ZSCAN20: variants seen among roughly 807,000 people sequenced by gnomAD.
ZSCAN20 encodes zinc finger and SCAN domain containing 20, also known as zinc finger and SCAN domain-containing protein 20.
A neutral mutation model predicts 97.1 loss-of-function variants in ZSCAN20; 39 were observed. That is an observed-to-expected ratio of 0.40 (90% CI 0.31 to 0.52). ZSCAN20 has a LOEUF of 0.52. ZSCAN20 is among the 20% of genes least tolerant of loss of function. The pLI is 0.49. For synonymous variants in ZSCAN20, 456 were observed against 467.3 expected (o/e 0.98, Z 0.31); for missense variants, 1,115 against 1,290.4 (o/e 0.86, Z 2.08).
intron 2 of ZSCAN20, among the ~76,000 whole-genome samples, chr1:33,486,693 T>A (rs979576889): frequency 6.6e-6 from 1 of 152,210 alleles, no homozygotes. Flanking sequence ...GCACTGGGGT[T>A]GAGAGTAAAG....
Position 33,489,170 on chromosome 1 carries a change from G to A in ZSCAN20, c.660G>A (p.Trp220Ter). Residue 220 changes from tryptophan (W) to a stop codon, truncating the protein, a stop_gained, in exon 4 of 8, where the codon TGG becomes TGA. Coordinates refer to ENST00000684572, the MANE Select transcript of ZSCAN20 (RefSeq NM_001377376.1). LOFTEE classifies it high-confidence loss of function. The stretch of plus-strand genomic sequence containing the variant: ...CAAAGATGGGGAGCGTTGGAGATTG[G>A]GAGGTGACAGCTGAGTCCCAGGTAA... Reference protein sequence around the residue: ...TLPKMGSVGDWEVTAESQEAL... With the variant: ...TLPKMGSVGD 1.2e-6 allele frequency: 2 copies of A among 1,613,780 alleles called. No individual in the cohort carries two copies. The highest frequency in any genetic ancestry group is 1.1e-5 in the South Asian group (1 of 90,972).
chr1:33,495,228 C>A lies in ZSCAN20; in HGVS notation c.2884C>A (p.Leu962Ile). 1.2e-6 allele frequency: 2 copies of A among 1,613,490 alleles called. No homozygotes were observed. Among genetic ancestry groups the A allele is most frequent in the Non-Finnish European group, 1.7e-6 (2 of 1,179,642 alleles). Reference protein sequence around the residue: ...VHTGEKPYKCLECGKFFRDRS... With the variant: ...VHTGEKPYKCIECGKFFRDRS... ...CACAGGAGAGAAGCCCTACAAATGC[C>A]TTGAGTGTGGAAAATTCTTCCGTGA... Residue 962 changes from leucine (L) to isoleucine (I), a missense_variant, in exon 8 of 8, where the codon CTT becomes ATT. Coordinates refer to ENST00000684572, the MANE Select transcript of ZSCAN20 (RefSeq NM_001377376.1).
rs34549868 is a variant in ZSCAN20, at chr1:33,501,536, A to ATTTTTTTTTTTTTT, written c.*6061_*6074dup. On this transcript the variant is annotated 3_prime_UTR_variant, in exon 8 of 8. Transcript: ENST00000684572. The stretch of plus-strand genomic sequence containing the variant: ...TGCTTTCACTTCCCCATTTTCTGTT[A>ATTTTTTTTTTTTTT]TTTTTTTTTTTTTTGTGCTGTTATG... Among the ~76,000 whole-genome samples, 3 of 136,750 alleles carry ATTTTTTTTTTTTTT rather than the reference A, an allele frequency of 2.2e-5. No individual in the cohort carries two copies. Among genetic ancestry groups the ATTTTTTTTTTTTTT allele is most frequent in the Non-Finnish European group, 4.7e-5 (3 of 64,222 alleles). 89.7% of individuals were successfully genotyped at this position (136,750 alleles called of 152,430 possible). A position where few individuals can be genotyped will look rare whatever the true frequency, so the allele number is the denominator to read the frequency against.
intron 2 of ZSCAN20, 74 bp from the exon 3 acceptor site, chr1:33,488,391 C>G: frequency 1.4e-6 from 2 of 1,463,024 alleles, no homozygotes; most frequent in South Asian, 2.5e-5. Context: ...AGCCTCTGGA[C>G]TGCAGTTGTA....
At chr1:33,494,169 A>C (rs201056255) in intron 7 of ZSCAN20, 49 bp from the exon 8 acceptor site, 1 of 1,477,098 alleles carries the variant, frequency 6.8e-7, no homozygotes, top group Non-Finnish European at 9.1e-7. Context: ...ACACACACAC[A>C]CGCGCGCTAA....
intron 4 of ZSCAN20, 135 bp downstream of exon 4, chr1:33,489,326 A>G (rs904952934): frequency 2.8e-6 from 3 of 1,077,470 alleles, no homozygotes; most frequent in South Asian, 3.0e-5. Context: ...TTTGCCCTTC[A>G]CCCCCAGCCT....
rs1482207938 is a variant in ZSCAN20 at position 33,494,598 on chromosome 1, A to G, written c.2254A>G (p.Asn752Asp). The change falls in exon 8 of 8, where the codon AAC becomes GAC. Residue 752 changes from asparagine to aspartate, a missense_variant. Asn to Asp is a conservative substitution (Grantham distance 23). Coordinates refer to ENST00000684572, the MANE Select transcript of ZSCAN20 (RefSeq NM_001377376.1). ...TGGAAAAAACTTTAGTGACCGCTCT[A>G]ACCTCAATACCCATCAGAGAATCCA... ...ECGKNFSDRSNLNTHQRIHTG... is the reference protein window; with the variant it reads ...ECGKNFSDRSDLNTHQRIHTG... The G allele has an allele frequency of 1.2e-6, 2 of 1,613,874 alleles. No homozygotes were observed. The highest frequency in any genetic ancestry group is 2.7e-5 in the African/African-American group (2 of 74,922).
In ZSCAN20 at chr1:33,494,262, G is replaced by A; in HGVS notation, c.1918G>A (p.Asp640Asn). The change falls in exon 8 of 8, where the codon GAC becomes AAC. Residue 640 changes from aspartate to asparagine, a missense_variant. This residue lies in a region of ZSCAN20 where 554 missense variants were observed against 584.9 expected (regional missense o/e 0.95). Coordinates refer to ENST00000684572, the MANE Select transcript of ZSCAN20 (RefSeq NM_001377376.1). ...GGATGAAGACCAGATTTCAGAGCAG[G>A]ACATTTTTGAGGGTTTGCCTGGAGC... is the stretch of plus-strand genomic sequence containing the variant. ...HEDEDQISEQ[D>N]IFEGLPGALS... 1 of 1,599,712 alleles carries A rather than the reference G, an allele frequency of 6.3e-7. No individual in the cohort carries two copies. Among genetic ancestry groups the A allele is most frequent in the Non-Finnish European group, 8.5e-7 (1 of 1,173,394 alleles).
intron 1 of ZSCAN20, among the ~76,000 whole-genome samples, chr1:33,475,666 T>C (rs1274268221): frequency 1.3e-5 from 2 of 152,024 alleles, no homozygotes; most frequent in African/African-American, 2.4e-5. Context: ...CTTTTTTTTT[T>C]CTTCTTTTTC....
At chr1:33,488,968 C>G (rs1453396786) in intron 3 of ZSCAN20, 147 bp from the exon 4 acceptor site, 14 of 699,214 alleles carry the variant, frequency 2.0e-5, no homozygotes, top group Admixed American at 5.6e-5. Context: ...GCTACACACT[C>G]TAGAAGGGAA....
At chr1:33,487,089 T>G (rs1408331897) in intron 2 of ZSCAN20, among the ~76,000 whole-genome samples, 1 of 152,176 alleles carries the variant, frequency 6.6e-6, no homozygotes, top group Non-Finnish European at 1.5e-5. Context: ...GAATACACAT[T>G]TACATTTGCT....
rs1652044611 is a variant in ZSCAN20, at chr1:33,479,213, T to C, written c.-76T>C. On this transcript the variant is annotated 5_prime_UTR_variant, in exon 2 of 8. Transcript: ENST00000684572. ...GAGCAGTCCCTTTTCTAGGAGCCTC[T>C]TGAAGGACTCACCGTAGATGCAGGA... The C allele has an allele frequency of 6.8e-7, 1 of 1,480,574 alleles. No homozygotes were observed. Among genetic ancestry groups the C allele is most frequent in the South Asian group, 1.3e-5 (1 of 74,106 alleles). The allele number at this position is 1,480,574 out of a possible 1,614,324, so 91.7% of individuals were successfully genotyped here. A position where few individuals can be genotyped will look rare whatever the true frequency, so the allele number is the denominator to read the frequency against.
At chr1:33,473,972 C>G (rs953144214) in intron 1 of ZSCAN20, among the ~76,000 whole-genome samples, 1 of 152,214 alleles carries the variant, frequency 6.6e-6, no homozygotes, top group Non-Finnish European at 1.5e-5. Flanking sequence ...TTGAAGACTT[C>G]TATTGCCAGT....
At chr1:33,485,305 C>T (rs1652317131) in intron 2 of ZSCAN20, among the ~76,000 whole-genome samples, 1 of 152,186 alleles carries the variant, frequency 6.6e-6, no homozygotes, top group Admixed American at 6.5e-5. Flanking sequence ...CTTTATTAAC[C>T]TTTATGTAGT....
intron 3 of ZSCAN20, 135 bp downstream of exon 3, chr1:33,488,786 T>TA: frequency 1.1e-6 from 1 of 945,044 alleles, no homozygotes; most frequent in Non-Finnish European, 1.6e-6. Context: ...TGGGCACACT[T>TA]ACTGAGAAGT....
At chr1:33,487,165 A>G (rs906922033) in intron 2 of ZSCAN20, among the ~76,000 whole-genome samples, 1 of 152,210 alleles carries the variant, frequency 6.6e-6, no homozygotes, top group Non-Finnish European at 1.5e-5. Flanking sequence ...GGAGAGGGGA[A>G]AAGAACGGGG....
chr1:33,474,763 G>T (rs1393227974), intron 1 of ZSCAN20, among the ~76,000 whole-genome samples: 1 of 152,168 alleles, frequency 6.6e-6, no homozygotes, highest in Non-Finnish European at 1.5e-5. Context: ...GGAAAAATCA[G>T]CAGGCTTAGG....
Position 33,488,474 on chromosome 1 carries a change from T to G in ZSCAN20, c.427T>G (p.Leu143Val). 2.5e-6 allele frequency: 4 copies of G among 1,612,078 alleles called. No individual in the cohort carries two copies. The highest frequency in any genetic ancestry group is 3.3e-4 in the Middle Eastern group (2 of 6,044). ...TRTAGQSGLE[L>V]HTEETRPLKT... Reference sequence around the variant, plus strand: ...GACTATTTGTGTGTAGGGACTGGAATTGCATACAGAAGAGACCAGGCCCTT... The same window carrying G: ...GACTATTTGTGTGTAGGGACTGGAAGTGCATACAGAAGAGACCAGGCCCTT... Residue 143 changes from leucine to valine, a missense_variant, in exon 3 of 8, where the codon TTG becomes GTG. Leu to Val is a conservative substitution (Grantham distance 32, BLOSUM62 1). Transcript: ENST00000684572.
Position 33,497,844 on chromosome 1 carries a change from A to G in ZSCAN20, c.*2368A>G, listed in dbSNP as rs1321098213. Among the ~76,000 whole-genome samples, 1 of 152,148 alleles carries G rather than the reference A, an allele frequency of 6.6e-6. No individual in the cohort carries two copies. The highest frequency in any genetic ancestry group is 2.4e-5 in the African/African-American group (1 of 41,428). On this transcript the variant is annotated 3_prime_UTR_variant, in exon 8 of 8. Transcript: ENST00000684572. Reference sequence around the variant, plus strand: ...TTGGGAGCACAAGGAGGAGAGGCTGATAGAGCAGGAGGGCAGAAGATGAGA... The same window carrying G: ...TTGGGAGCACAAGGAGGAGAGGCTGGTAGAGCAGGAGGGCAGAAGATGAGA...
Sources: gnomAD v4.1 joint callset for allele counts (sites outside exome capture counted in the v4.1 genomes callset) on GRCh38, gnomAD v4.1.1 for gene constraint, gnomAD v4.1.1 regional missense constraint, MANE v1.5 for transcripts, NCBI Gene and HGNC (gene_info 2026-07-23, HGNC 2026-07-21) for gene names.